Variants in COL24A1 observed in about 807,000 individuals in gnomAD.
The protein encoded by COL24A1 is collagen alpha-1(XXIV) chain.
A neutral mutation model predicts 253.9 loss-of-function variants in COL24A1; 224 were observed. The ratio of observed to expected loss-of-function variants is 0.88; its 90% CI spans 0.79 to 0.99. The LOEUF (loss-of-function observed/expected upper bound fraction) is 0.99, where lower values mean the gene tolerates loss of function less well. Among genes scored for constraint, COL24A1 ranks in the 50% least tolerant of loss-of-function variants. The pLI is 0.00. For missense variants in COL24A1, 2,131 were observed against 2,068.5 expected (o/e 1.03, Z -0.59); for synonymous variants, 685 against 673.7 (o/e 1.02, Z -0.26).
chr1:86,145,015 A>T (rs1419971058), intron 2 of COL24A1, among the ~76,000 whole-genome samples: 3 of 152,154 alleles, frequency 2.0e-5, no homozygotes, highest in Non-Finnish European at 4.4e-5. Flanking sequence ...TACATGTGAC[A>T]TGTGGCTTAA....
intron 26 of COL24A1, 103 bp downstream of exon 26, chr1:85,909,847 T>G: frequency 5.4e-6 from 5 of 932,544 alleles, no homozygotes; most frequent in Non-Finnish European, 8.6e-6. Flanking sequence ...AAATTTAACA[T>G]TTTTTACTCA....
At chr1:85,783,867 A>G (rs1669392194) in intron 50 of COL24A1, among the ~76,000 whole-genome samples, 1 of 152,128 alleles carries the variant, frequency 6.6e-6, no homozygotes, top group African/African-American at 2.4e-5. Context: ...TATGTTTGAA[A>G]ATTTTCATAA....
chr1:85,765,742 A>G (rs1370173211), intron 53 of COL24A1, among the ~76,000 whole-genome samples: 1 of 151,988 alleles, frequency 6.6e-6, no homozygotes, highest in Non-Finnish European at 1.5e-5. Flanking sequence ...CTCTGTCAAG[A>G]AAGAAAAAAA....
intron 37 of COL24A1, among the ~76,000 whole-genome samples, chr1:85,863,014 C>T (rs1379352758): frequency 6.6e-6 from 1 of 152,114 alleles, no homozygotes; most frequent in African/African-American, 2.4e-5. Flanking sequence ...TGTAGTTCTC[C>T]TTGAAGAGGT....
At chr1:85,844,997 A>G (rs1677016941) in intron 39 of COL24A1, among the ~76,000 whole-genome samples, 1 of 151,952 alleles carries the variant, frequency 6.6e-6, no homozygotes, top group Non-Finnish European at 1.5e-5. Flanking sequence ...ATGATAGCAT[A>G]CATTAAAAAA....
At chr1:85,997,216 G>A (rs1201373947) in intron 19 of COL24A1, among the ~76,000 whole-genome samples, 2 of 151,510 alleles carry the variant, frequency 1.3e-5, no homozygotes, top group African/African-American at 2.4e-5. Flanking sequence ...AAAGGAGAGT[G>A]CATTTTCAGC....
intron 1 of COL24A1, among the ~76,000 whole-genome samples, chr1:86,148,438 C>T (rs540780705): frequency 5.3e-5 from 8 of 152,076 alleles, no homozygotes; most frequent in Admixed American, 4.6e-4. Context: ...CATGCTGGTG[C>T]GCTGCACCCA....
Position 85,957,360 on chromosome 1 carries a change from A to C in COL24A1, c.2562+3889T>G, listed in dbSNP as rs573840576. 5.7e-4 allele frequency among the ~76,000 whole-genome samples: 87 copies of C among 152,286 alleles called. 1 individual carries two copies. In the Middle Eastern group the frequency reaches 0.017, roughly 30 times the overall value. ...TATCCCAGAACTTAAAGTATAATTT[A>C]ATAAATAAATAAATAAAATAAAAGG... On this transcript the variant is annotated intron_variant, in intron 24 of 59. Coordinates refer to ENST00000370571, the MANE Select transcript of COL24A1 (RefSeq NM_152890.7).
At chr1:86,021,268 C>T (rs909012943) in intron 18 of COL24A1, among the ~76,000 whole-genome samples, 4 of 151,926 alleles carry the variant, frequency 2.6e-5, no homozygotes, top group Non-Finnish European at 5.9e-5. Context: ...TCATCTCTAC[C>T]TTTTTCATAG....
intron 24 of COL24A1, among the ~76,000 whole-genome samples, chr1:85,949,397 G>A (rs1689678507): frequency 6.6e-6 from 1 of 151,988 alleles, no homozygotes; most frequent in South Asian, 2.1e-4. Context: ...TTTCAGCTTG[G>A]ATATTTAGGG....
intron 24 of COL24A1, among the ~76,000 whole-genome samples, chr1:85,922,008 C>T (rs1056999718): frequency 1.3e-5 from 2 of 152,022 alleles, no homozygotes; most frequent in Admixed American, 6.6e-5. Context: ...GGCATGAGAA[C>T]TACGTGACGC....
intron 53 of COL24A1, among the ~76,000 whole-genome samples, chr1:85,766,836 T>C (rs1407089285): frequency 6.6e-6 from 1 of 152,160 alleles, no homozygotes; most frequent in African/African-American, 2.4e-5. Context: ...CCCAGCGTGA[T>C]GGCTCACGCC....
rs989243581 is a variant in COL24A1, at chr1:85,835,844, A to G, written c.3681+2741T>C. Among the ~76,000 whole-genome samples, 8 of 152,184 alleles carry G rather than the reference A, an allele frequency of 5.3e-5. No homozygotes were observed. The East Asian group carries it at 1.5e-3, about 29-fold the overall frequency. On this transcript the variant is annotated intron_variant, in intron 43 of 59. Transcript: ENST00000370571. Reference sequence around the variant, plus strand: ...TGATGGTTGCACATGATGGCGTTCAAGACACACTACCCCAAAATATGGCAT... The same window carrying G: ...TGATGGTTGCACATGATGGCGTTCAGGACACACTACCCCAAAATATGGCAT...
At chr1:85,914,382 T>C (rs1685667587) in intron 24 of COL24A1, among the ~76,000 whole-genome samples, 1 of 151,434 alleles carries the variant, frequency 6.6e-6, no homozygotes, top group Non-Finnish European at 1.5e-5. Context: ...TCATTTCTTT[T>C]TTTCTTTTCT....
chr1:85,861,315 T>C (rs894034956), intron 37 of COL24A1, among the ~76,000 whole-genome samples: 4 of 152,212 alleles, frequency 2.6e-5, no homozygotes, highest in African/African-American at 4.8e-5. Flanking sequence ...TTCACTTATG[T>C]TAATTATCTT....
chr1:85,818,171 C>T (rs769974578), intron 45 of COL24A1, 84 bp from the exon 46 acceptor site: 32 of 1,062,308 alleles, frequency 3.0e-5, no homozygotes, highest in East Asian at 4.8e-5. Flanking sequence ...GAGACCTGGA[C>T]GCTGCAGCAA....
At chr1:85,951,520 C>T (rs1223738727) in intron 24 of COL24A1, among the ~76,000 whole-genome samples, 1 of 151,994 alleles carries the variant, frequency 6.6e-6, no homozygotes, top group African/African-American at 2.4e-5. Context: ...ATTGAGTGGC[C>T]AGATCATAGG....
chr1:86,040,443 C>T (rs1055753274), intron 12 of COL24A1, among the ~76,000 whole-genome samples: 1 of 148,858 alleles, frequency 6.7e-6, no homozygotes, highest in Non-Finnish European at 1.5e-5. Context: ...TTAGGTATAT[C>T]TCCCAATGCT....
rs368069216 is a variant in COL24A1 at position 85,909,996 on chromosome 1, C to G, written c.2624G>C (p.Arg875Pro). Residue 875 changes from arginine (R) to proline (P), a missense_variant, in exon 26 of 60, where the codon CGT (arginine) becomes CCT (proline). Physicochemically the swap from Arg to Pro is moderately radical, Grantham distance 103 (BLOSUM62 -2). Coordinates refer to ENST00000370571, the MANE Select transcript of COL24A1 (RefSeq NM_152890.7). ...CGGACCTAGTGGGCCTGGACTTCCA[C>G]GTTCTCCCTTTTAAGAGAACAAAGA... Reference protein sequence around the residue: ...MTGSIGEKGERGSPGPLGPQG... With the variant: ...MTGSIGEKGEPGSPGPLGPQG... 6.2e-7 allele frequency: 1 copy of G among 1,609,718 alleles called. No homozygotes were observed. Among genetic ancestry groups the G allele is most frequent in the Middle Eastern group, 1.7e-4 (1 of 6,048 alleles).
Sources: allele counts gnomAD v4.1 joint callset (sites outside exome capture counted in the v4.1 genomes callset), GRCh38; gene constraint gnomAD v4.1.1; transcripts MANE v1.5; gene names NCBI Gene and HGNC (gene_info 2026-07-23, HGNC 2026-07-21).